The following SLC20A2 variants were observed in gnomAD, a reference collection of about 807,000 sequenced individuals.
SLC20A2 encodes the protein sodium-dependent phosphate transporter 2.
Under a neutral mutation model 61.0 loss-of-function variants are expected in SLC20A2, and 30 were observed. That is an observed-to-expected ratio of 0.49 (90% CI 0.37 to 0.67). The LOEUF (loss-of-function observed/expected upper bound fraction) is 0.67. SLC20A2 is among the 30% of genes least tolerant of loss of function. The pLI, the probability that SLC20A2 is intolerant of heterozygous loss-of-function variation, is 0.00. For missense variants in SLC20A2, 626 were observed against 866.4 expected (o/e 0.72, Z 3.48); for synonymous variants, 351 against 353.3 (o/e 0.99, Z 0.07).
chr8:42,439,212 G>A (rs568710137), intron 7 of SLC20A2, among the ~76,000 whole-genome samples: 24 of 152,362 alleles, frequency 1.6e-4, no homozygotes, highest in African/African-American at 5.0e-4. Flanking sequence ...TGGCCCCAGT[G>A]CCTCCGGTTA....
chr8:42,523,104 G>A (rs901075011), intron 1 of SLC20A2, among the ~76,000 whole-genome samples: 3 of 152,096 alleles, frequency 2.0e-5, no homozygotes, highest in Non-Finnish European at 2.9e-5. Flanking sequence ...AGGCCGAGGC[G>A]GGCAGATCAC....
intron 1 of SLC20A2, among the ~76,000 whole-genome samples, chr8:42,499,845 C>T (rs1810207380): frequency 6.6e-6 from 1 of 152,174 alleles, no homozygotes; most frequent in Admixed American, 6.5e-5. Flanking sequence ...TTCTCTTCAG[C>T]TCAATAAAAA....
At chr8:42,499,007 C>T (rs950563410) in intron 1 of SLC20A2, among the ~76,000 whole-genome samples, 2 of 152,178 alleles carry the variant, frequency 1.3e-5, no homozygotes, top group African/African-American at 2.4e-5. Flanking sequence ...AATCTGCAAC[C>T]GGCAGCGATT....
At chr8:42,436,901 T>C in intron 8 of SLC20A2, 88 bp downstream of exon 8, 1 of 1,229,160 alleles carries the variant, frequency 8.1e-7, no homozygotes, top group Non-Finnish European at 1.1e-6. Context: ...ATCGGTGCCG[T>C]TCACTGCTGG....
intron 1 of SLC20A2, among the ~76,000 whole-genome samples, chr8:42,512,183 T>G (rs531841729): frequency 1.3e-5 from 2 of 152,312 alleles, no homozygotes; most frequent in African/African-American, 4.8e-5. Context: ...CAGGACAGGA[T>G]TCATTTCCCA....
chr8:42,483,687 T>C (rs1393137018), intron 1 of SLC20A2, among the ~76,000 whole-genome samples: 1 of 152,248 alleles, frequency 6.6e-6, no homozygotes, highest in Non-Finnish European at 1.5e-5. Context: ...AGGTATTTTC[T>C]TCACTCATAA....
Position 42,430,066 on chromosome 8 carries a change from G to C in SLC20A2, c.1707C>G (p.Ser569=). The C allele has an allele frequency of 6.2e-7, 1 of 1,608,766 alleles. No individual in the cohort carries two copies. The highest frequency in any genetic ancestry group is 8.5e-7 in the Non-Finnish European group (1 of 1,178,144). ...MGKDLTPITP[S]SGFTIELASA... ...CTCGTCCACCAGCCCAGGCTTACCT[G>C]GACGGCGTGATGGGAGTGAGGTCCT... The change falls in exon 9 of 11, where the codon TCC becomes TCG. Residue 569 remains serine, a splice_region_variant and synonymous_variant. Transcript: ENST00000520262.
At chr8:42,529,367 CCAA>C (rs1411379532) in intron 1 of SLC20A2, among the ~76,000 whole-genome samples, 8 of 151,794 alleles carry the variant, frequency 5.3e-5, no homozygotes, top group Non-Finnish European at 2.9e-5. Flanking sequence ...GAGGACTACC[CCAA>C]CATCTATTTA....
chr8:42,438,063 C>CAAAAA lies in SLC20A2; in HGVS notation c.935-491_935-487dup, dbSNP rs1391262305. Reference sequence around the variant, plus strand: ...TATGGTTACCACTAAAAAAAAAAACCAAAAAAAAAAAAAAAAAAAAAAAAA... The same window carrying CAAAAA: ...TATGGTTACCACTAAAAAAAAAAACCAAAAAAAAAAAAAAAAAAAAAAAAAAAAAA... On this transcript the variant is annotated intron_variant, in intron 7 of 10. Transcript: ENST00000520262. Among the ~76,000 whole-genome samples the CAAAAA allele has an allele frequency of 3.0e-3, 81 of 26,824 alleles. 3 individuals are homozygous for CAAAAA. The highest frequency in any genetic ancestry group is 4.8e-3 in the Non-Finnish European group (59 of 12,240). The allele number at this position is 26,824 out of a possible 152,430, so 17.6% of individuals were successfully genotyped here. A position where few individuals can be genotyped will look rare whatever the true frequency, so the allele number is the denominator to read the frequency against.
chr8:42,525,525 T>C (rs974456191), intron 1 of SLC20A2, among the ~76,000 whole-genome samples: 11 of 133,528 alleles, frequency 8.2e-5, no homozygotes, highest in Non-Finnish European at 1.5e-4. Flanking sequence ...GAGGTTGCGA[T>C]GAGCTGAGAT....
intron 1 of SLC20A2, among the ~76,000 whole-genome samples, chr8:42,483,616 T>C (rs1808721923): frequency 6.6e-6 from 1 of 152,198 alleles, no homozygotes; most frequent in Non-Finnish European, 1.5e-5. Flanking sequence ...TCTTCAACAT[T>C]TTCTCCTTTC....
chr8:42,420,024 A>C (rs1487104128), intron 10 of SLC20A2, among the ~76,000 whole-genome samples: 1 of 152,088 alleles, frequency 6.6e-6, no homozygotes, highest in Non-Finnish European at 1.5e-5. Flanking sequence ...ATCTCTACTA[A>C]AAATACAAAA....
In SLC20A2 at chr8:42,437,150, C is replaced by T; in HGVS notation, c.1362G>A (p.Met454Ile). 5 of 1,613,848 alleles carry T rather than the reference C, an allele frequency of 3.1e-6. No homozygotes were observed. Among genetic ancestry groups the T allele is most frequent in the Non-Finnish European group, 4.2e-6 (5 of 1,180,038 alleles). ...EIEAEEGGVE[M>I]KLASELADPD... The stretch of plus-strand genomic sequence containing the variant: ...GGTCGGCCAGCTCCGACGCCAGCTT[C>T]ATCTCCACGCCGCCCTCCTCCGCCT... Residue 454 changes from methionine to isoleucine, a missense_variant, in exon 8 of 11, where the codon ATG becomes ATA. Met to Ile is a conservative substitution (Grantham distance 10). Coordinates refer to ENST00000520262, the MANE Select transcript of SLC20A2 (RefSeq NM_001257180.2). This position sits in a 1 kb window ranked among gnomAD's most constrained non-coding sequence, Gnocchi z 6.4.
intron 4 of SLC20A2, among the ~76,000 whole-genome samples, chr8:42,462,275 GT>G (rs767986126): frequency 2.0e-5 from 3 of 152,322 alleles, no homozygotes; most frequent in Non-Finnish European, 2.9e-5. Context: ...GTGAGGGCAA[GT>G]TGGTGCTCTC....
intron 1 of SLC20A2, among the ~76,000 whole-genome samples, chr8:42,532,479 G>A (rs1240690504): frequency 6.6e-6 from 1 of 152,156 alleles, no homozygotes; most frequent in Non-Finnish European, 1.5e-5. Context: ...CTTTAAAGTA[G>A]TATTAGTCTT....
chr8:42,435,932 C>G (rs1278974985), intron 8 of SLC20A2, among the ~76,000 whole-genome samples: 2 of 152,070 alleles, frequency 1.3e-5, no homozygotes, highest in Non-Finnish European at 2.9e-5. Flanking sequence ...GCCTGGCCAA[C>G]ATGGGAAACC....
chr8:42,424,159 T>A, intron 10 of SLC20A2, among the ~76,000 whole-genome samples: 1 of 152,352 alleles, frequency 6.6e-6, no homozygotes, highest in South Asian at 2.1e-4. Context: ...CATGAGCAAC[T>A]GTGCTCAGTA....
chr8:42,493,523 G>A (rs747608062), intron 1 of SLC20A2, among the ~76,000 whole-genome samples: 4 of 152,018 alleles, frequency 2.6e-5, no homozygotes, highest in South Asian at 2.1e-4. Context: ...TCTGAACTCC[G>A]GGCCCTTCTG....
chr8:42,470,216 ATTTTT>A (rs556198459), intron 2 of SLC20A2, among the ~76,000 whole-genome samples: 1 of 132,934 alleles, frequency 7.5e-6, no homozygotes. Flanking sequence ...CTTGAACCTG[ATTTTT>A]TTTTTTTTTT....
Sources: allele counts gnomAD v4.1 joint callset (sites outside exome capture counted in the v4.1 genomes callset), GRCh38; gene constraint gnomAD v4.1.1; non-coding constraint Gnocchi (gnomAD v3.1); transcripts MANE v1.5; gene names NCBI Gene and HGNC (gene_info 2026-07-23, HGNC 2026-07-21).